ARMC9: variants seen among roughly 807,000 people sequenced by gnomAD.
ARMC9 encodes the protein lisH domain-containing protein ARMC9.
ARMC9 carries 94 observed loss-of-function variants against 107.0 expected under a neutral mutation model. That is an observed-to-expected ratio of 0.88 (90% confidence interval 0.74 to 1.04). ARMC9 has a LOEUF of 1.04. ARMC9 is among the 50% of genes least tolerant of loss of function. ARMC9 has a pLI of 0.00. For synonymous variants in ARMC9, 380 were observed against 396.9 expected (o/e 0.96, Z 0.51); for missense variants, 942 against 1,030.1 (o/e 0.91, Z 1.17).
chr2:231,337,285 T>TATATATATATATATATATATATAG (rs2044167867), intron 20 of ARMC9, among the ~76,000 whole-genome samples: 1 of 61,138 alleles, frequency 1.6e-5, no homozygotes, highest in African/African-American at 7.6e-5. Flanking sequence ...TATATATATA[T>TATATATATATATATATATATATAG]ATATATTTTT....
intron 17 of ARMC9, chr2:231,288,699 G>T: frequency 2.1e-6 from 1 of 471,182 alleles, no homozygotes; most frequent in Non-Finnish European, 4.4e-6. Context: ...CCATTTTGCT[G>T]CTGACAACAT....
chr2:231,244,568 C>A (rs1392983944), intron 9 of ARMC9, among the ~76,000 whole-genome samples: 1 of 152,102 alleles, frequency 6.6e-6, no homozygotes, highest in East Asian at 1.9e-4. Context: ...TGAGGTCTCA[C>A]TATGTTGCCC....
intron 3 of ARMC9, among the ~76,000 whole-genome samples, chr2:231,211,888 T>C (rs1444348161): frequency 6.6e-6 from 1 of 152,210 alleles, no homozygotes; most frequent in African/African-American, 2.4e-5. Context: ...TCAAAGACCT[T>C]GAAACTTTCT....
At position 231,360,618 on chromosome 2, in the gene ARMC9, C is replaced by T. The variant is rs2045529306; in HGVS notation, c.2132-136C>T. ...TGCACGAGTAAACAAGTATCCCAAGCCACAGGCGCCAGGGAGCCCGCAGGG... is the reference window on the plus strand; with the variant it reads ...TGCACGAGTAAACAAGTATCCCAAGTCACAGGCGCCAGGGAGCCCGCAGGG... On this transcript the variant is annotated intron_variant, in intron 22 of 24. Transcript: ENST00000611582. This position sits in a 1 kb window ranked among gnomAD's most constrained non-coding sequence, Gnocchi z 4.7. The T allele has an allele frequency of 1.4e-6, 2 of 1,387,238 alleles. No homozygotes were observed. The highest frequency in any genetic ancestry group is 5.0e-5 in the East Asian group (2 of 40,186). The allele number at this position is 1,387,238 out of a possible 1,614,324, so 85.9% of individuals were successfully genotyped here.
At chr2:231,368,258 AT>A (rs2045891444) in intron 23 of ARMC9, among the ~76,000 whole-genome samples, 1 of 152,112 alleles carries the variant, frequency 6.6e-6, no homozygotes, top group Admixed American at 6.5e-5. Context: ...TCATGTAATG[AT>A]TTTACAACCC....
At chr2:231,344,580 GA>G (rs1416149879) in intron 20 of ARMC9, among the ~76,000 whole-genome samples, 6 of 152,090 alleles carry the variant, frequency 3.9e-5, no homozygotes, top group African/African-American at 1.4e-4. Flanking sequence ...TTTGCCTGTT[GA>G]TTTGGTTTAT....
At chr2:231,285,845 T>C (rs2040551931) in intron 17 of ARMC9, among the ~76,000 whole-genome samples, 1 of 152,188 alleles carries the variant, frequency 6.6e-6, no homozygotes, top group Admixed American at 6.5e-5. Context: ...ATTTCCCTCC[T>C]TTCGTGTTTA....
In ARMC9 at chr2:231,297,223, AG is replaced by A. The variant is rs2041434355; in HGVS notation, c.1773+971del. Among the ~76,000 whole-genome samples, 1 of 152,212 alleles carries A rather than the reference AG, an allele frequency of 6.6e-6. No homozygotes were observed. The highest frequency in any genetic ancestry group is 2.4e-5 in the African/African-American group (1 of 41,452). ...TTCTTCACAGGCTGCAGGTGGCATC[AG>A]CGGGTACGTGCTCCTGCTGGCTCTT... On this transcript the variant is annotated intron_variant, in intron 19 of 24. Transcript: ENST00000611582. This position sits in a 1 kb window ranked among gnomAD's most constrained non-coding sequence, Gnocchi z 4.2.
intron 12 of ARMC9, among the ~76,000 whole-genome samples, chr2:231,263,561 C>T (rs2038583797): frequency 6.6e-6 from 1 of 152,234 alleles, no homozygotes; most frequent in South Asian, 2.1e-4. Flanking sequence ...TCCCACCTCC[C>T]TGTACTACTA....
At position 231,359,082 on chromosome 2, in the gene ARMC9, G is replaced by GTTCTTT. The variant is rs767321498; in HGVS notation, c.2132-1670_2132-1669insCTTTTT. On this transcript the variant is annotated intron_variant, in intron 22 of 24. Coordinates refer to ENST00000611582, the MANE Select transcript of ARMC9 (RefSeq NM_001352754.2). ...GCTGTCTTAGTTAGGGGGGTCTCCT[G>GTTCTTT]TTTTTTTTTTTTTTTTTTTTTGAGA... Among the ~76,000 whole-genome samples the GTTCTTT allele has an allele frequency of 4.6e-4, 54 of 117,820 alleles. 3 individuals are homozygous for GTTCTTT. Among genetic ancestry groups the GTTCTTT allele is most frequent in the African/African-American group, 1.4e-3 (41 of 28,302 alleles). 77.3% of individuals were successfully genotyped at this position (117,820 alleles called of 152,430 possible). A position where few individuals can be genotyped will look rare whatever the true frequency, so the allele number is the denominator to read the frequency against.
intron 16 of ARMC9, 150 bp downstream of exon 16, chr2:231,278,608 A>T: frequency 1.5e-6 from 1 of 664,066 alleles, no homozygotes; most frequent in Non-Finnish European, 2.5e-6. Flanking sequence ...TTCATAAGCA[A>T]CTGGAAATCT....
intron 3 of ARMC9, among the ~76,000 whole-genome samples, chr2:231,213,143 A>C (rs1192185116): frequency 1.3e-5 from 2 of 151,692 alleles, no homozygotes; most frequent in Non-Finnish European, 2.9e-5. Flanking sequence ...TATGCAGGAA[A>C]ATTATCTGTA....
chr2:231,277,486 G>A (rs1442239306), intron 15 of ARMC9, among the ~76,000 whole-genome samples: 1 of 151,376 alleles, frequency 6.6e-6, no homozygotes, highest in Admixed American at 6.6e-5. Context: ...ACTGAACCAT[G>A]TAACTGTGTG....
intron 19 of ARMC9, 135 bp downstream of exon 19, chr2:231,296,388 T>C (rs1481903255): frequency 4.9e-6 from 4 of 818,016 alleles, no homozygotes; most frequent in African/African-American, 1.7e-5. Flanking sequence ...GAGGGTTGGC[T>C]AAAGCTCAGC....
At chr2:231,263,173 G>A (rs896982597) in intron 12 of ARMC9, among the ~76,000 whole-genome samples, 7 of 152,180 alleles carry the variant, frequency 4.6e-5, no homozygotes, top group Non-Finnish European at 8.8e-5. Flanking sequence ...TTTATCCAGA[G>A]TGCTGTAAAA....
chr2:231,256,823 T>G lies in ARMC9; in HGVS notation c.914+203T>G, dbSNP rs184928893. ...TTATTTTTTATTGCCTGTGTGGTTT[T>G]TTTGTTTGTTTGTTTTTTTGAGACA... On this transcript the variant is annotated intron_variant, in intron 10 of 24. Coordinates refer to ENST00000611582, the MANE Select transcript of ARMC9 (RefSeq NM_001352754.2). 2.6e-3 allele frequency among the ~76,000 whole-genome samples: 390 copies of G among 152,342 alleles called. 2 individuals carry two copies. Among genetic ancestry groups the G allele is most frequent in the Middle Eastern group, 0.024 (7 of 294 alleles).
At chr2:231,211,545 A>T (rs1200987533) in intron 3 of ARMC9, among the ~76,000 whole-genome samples, 1 of 151,930 alleles carries the variant, frequency 6.6e-6, no homozygotes, top group Non-Finnish European at 1.5e-5. Flanking sequence ...AAAAAAAAAA[A>T]TAGTGCTGCA....
At position 231,258,993 on chromosome 2, in the gene ARMC9, A is replaced by T. The variant is rs1338558964; in HGVS notation, c.917A>T (p.Lys306Ile). 2.5e-6 allele frequency: 4 copies of T among 1,612,004 alleles called. No homozygotes were observed. The stretch of plus-strand genomic sequence containing the variant: ...TTTGAACTTGTGTTGCTGAGTAGGA[A>T]ATTGAAGGATGTCCCATTACTGCCC... ...TMLRASLAPV[K>I]LKDVPLLPSL... The change falls in exon 11 of 25, where the codon AAA becomes ATA. Residue 306 changes from lysine to isoleucine, a missense_variant and splice_region_variant. Transcript: ENST00000611582.
intron 12 of ARMC9, among the ~76,000 whole-genome samples, chr2:231,267,405 A>G (rs1407146376): frequency 6.6e-6 from 1 of 151,820 alleles, no homozygotes; most frequent in East Asian, 1.9e-4. Flanking sequence ...TAATTGTTGT[A>G]TTTTTATTGG....
Sources: gnomAD v4.1 joint callset for allele counts (sites outside exome capture counted in the v4.1 genomes callset) on GRCh38, gnomAD v4.1.1 for gene constraint, Gnocchi (gnomAD v3.1) non-coding constraint, MANE v1.5 for transcripts, NCBI Gene and HGNC (gene_info 2026-07-23, HGNC 2026-07-21) for gene names.